The following BRD4 variants were observed in gnomAD, a reference collection of about 807,000 sequenced individuals.
BRD4 encodes the protein bromodomain containing 4.
BRD4 carries 16 observed loss-of-function variants against 142.1 expected under a neutral mutation model. The ratio of observed to expected loss-of-function variants is 0.11; its 90% CI spans 0.08 to 0.17. The LOEUF is 0.17. Among genes scored for constraint, BRD4 ranks in the 10% least tolerant of loss-of-function variants. The pLI is 1.00. For missense variants in BRD4, 1,424 were observed against 1,810.9 expected, an observed-to-expected ratio of 0.79 and a Z score of 3.88; for synonymous variants, 833 against 707.5, an observed-to-expected ratio of 1.18 and a Z score of -2.82.
Position 15,239,389 on chromosome 19 carries a change from A to G in BRD4, c.3576+3T>C, listed in dbSNP as rs200733287. ...AGCGACACCCATGGACCTCCATCCC[A>G]ACCTTTTTGGGCGCAACTGGAGTCT... is the stretch of plus-strand genomic sequence containing the variant. On this transcript the variant is annotated splice_donor_region_variant and intron_variant, in intron 17 of 19. Transcript: ENST00000679869. The surrounding 1 kb of genome is among the most constrained non-coding windows in gnomAD (Gnocchi z 7.4). 585 of 1,613,970 alleles carry G rather than the reference A, an allele frequency of 3.6e-4. No homozygotes were observed. Among genetic ancestry groups the G allele is most frequent in the Non-Finnish European group, 4.6e-4 (545 of 1,180,026 alleles).
Position 15,321,921 on chromosome 19 carries a change from C to T in BRD4, c.-35+10369G>A, listed in dbSNP as rs117889790. ...AAACACAGTGGGTACAGGGAAGAAA[C>T]GAAACTAAAGATCCATGCTTTCACC... On this transcript the variant is annotated intron_variant, in intron 1 of 19. Transcript: ENST00000679869. 1.5e-4 allele frequency among the ~76,000 whole-genome samples: 23 copies of T among 152,164 alleles called. No homozygotes were observed. In the East Asian group the frequency reaches 4.4e-3, roughly 29 times the overall value.
chr19:15,273,186 GC>G lies in BRD4; in HGVS notation c.-34-54del, dbSNP rs2047608941. ...AGATATCAGTCAGCAGATGGGCACC[GC>G]TCAGAATGACAAGTCCCTCTGGCTG... On this transcript the variant is annotated intron_variant, in intron 1 of 19. Transcript: ENST00000679869. 7 of 1,473,338 alleles carry G rather than the reference GC, an allele frequency of 4.8e-6. No homozygotes were observed. The Admixed American group carries it at 1.6e-4, about 33-fold the overall frequency. The allele number at this position is 1,473,338 out of a possible 1,614,324, so 91.3% of individuals were successfully genotyped here.
chr19:15,306,854 G>T (rs942664517), intron 1 of BRD4, among the ~76,000 whole-genome samples: 3 of 152,102 alleles, frequency 2.0e-5, no homozygotes, highest in Admixed American at 6.6e-5. Context: ...AATCATAACA[G>T]ATATAATAGT....
chr19:15,286,036 G>T (rs909270773), intron 1 of BRD4, among the ~76,000 whole-genome samples: 1 of 152,124 alleles, frequency 6.6e-6, no homozygotes, highest in African/African-American at 2.4e-5. Context: ...GGCTTGCCTC[G>T]TCCAGGGAGG....
chr19:15,248,957 T>A, intron 11 of BRD4: 1 of 480,690 alleles, frequency 2.1e-6, no homozygotes, highest in South Asian at 2.5e-5. Flanking sequence ...AATGCATGTG[T>A]TGGGGATTGT....
chr19:15,278,559 A>G (rs1456463421), intron 1 of BRD4, among the ~76,000 whole-genome samples: 3 of 151,408 alleles, frequency 2.0e-5, no homozygotes, highest in Non-Finnish European at 4.4e-5. Context: ...AAAAAAAAAA[A>G]AAAAAGAAAT....
intron 11 of BRD4, among the ~76,000 whole-genome samples, chr19:15,250,549 G>A (rs538030968): frequency 6.6e-6 from 1 of 152,280 alleles, no homozygotes; most frequent in African/African-American, 2.4e-5. Flanking sequence ...CTGGGAAAAG[G>A]AAGCCAGGAA....
chr19:15,248,784 C>G, intron 11 of BRD4: 1 of 241,786 alleles, frequency 4.1e-6, no homozygotes, highest in Non-Finnish European at 8.1e-6. Flanking sequence ...CTCTAGAGGT[C>G]AGAGTGTTCT....
chr19:15,305,201 G>A (rs1432225071), intron 1 of BRD4, among the ~76,000 whole-genome samples: 3 of 151,790 alleles, frequency 2.0e-5, no homozygotes, highest in East Asian at 1.9e-4. Flanking sequence ...GAGCCACCAC[G>A]CCTGGCTAAT....
intron 1 of BRD4, among the ~76,000 whole-genome samples, chr19:15,301,481 A>T (rs1323414353): frequency 6.6e-6 from 1 of 151,980 alleles, no homozygotes; most frequent in Non-Finnish European, 1.5e-5. Context: ...GAATCACTTG[A>T]ACCCGAGAGG....
intron 14 of BRD4, among the ~76,000 whole-genome samples, chr19:15,242,357 C>A (rs1336634650): frequency 1.3e-5 from 2 of 152,158 alleles, no homozygotes; most frequent in African/African-American, 4.8e-5. Context: ...AAGGGTGTGG[C>A]CTGACCAATG....
chr19:15,240,741 A>G (rs914485073), intron 14 of BRD4, among the ~76,000 whole-genome samples: 1 of 152,188 alleles, frequency 6.6e-6, no homozygotes, highest in African/African-American at 2.4e-5. Flanking sequence ...GCACCTCGGG[A>G]CTGTGCAGCT....
chr19:15,310,897 T>TC, intron 1 of BRD4, among the ~76,000 whole-genome samples: 1 of 152,282 alleles, frequency 6.6e-6, no homozygotes, highest in African/African-American at 2.4e-5. Flanking sequence ...CCAATATCCA[T>TC]CCCCAAAATC....
intron 1 of BRD4, among the ~76,000 whole-genome samples, chr19:15,273,666 C>A (rs1351384722): frequency 6.6e-6 from 1 of 152,176 alleles, no homozygotes; most frequent in Non-Finnish European, 1.5e-5. Flanking sequence ...GGATGGCCCA[C>A]CCAGTCCACT....
chr19:15,257,455 G>A, intron 7 of BRD4: 1 of 489,114 alleles, frequency 2.0e-6, no homozygotes, highest in Non-Finnish European at 3.7e-6. Context: ...GCAAGGACAT[G>A]AGACCCAGGC....
intron 10 of BRD4, 38 bp downstream of exon 10, chr19:15,255,259 C>A: frequency 3.2e-6 from 5 of 1,585,488 alleles, no homozygotes; most frequent in Non-Finnish European, 2.6e-6. Flanking sequence ...TGAGGGTGCC[C>A]ACAGAAGGAA....
intron 1 of BRD4, among the ~76,000 whole-genome samples, chr19:15,300,867 TGA>T (rs925298277): frequency 6.6e-6 from 1 of 152,196 alleles, no homozygotes; most frequent in Non-Finnish European, 1.5e-5. Flanking sequence ...CAGAAACATC[TGA>T]GAGTTTCCTG....
At position 15,235,545 on chromosome 19, in the gene BRD4, AT is replaced by A. The variant is rs1485224114; in HGVS notation, c.*2831del. ...AACTTTATACTCAGTACAAATGTTT[AT>A]TTTTGCAATGAGAACTGCACAAAAA... On this transcript the variant is annotated 3_prime_UTR_variant, in exon 20 of 20. Coordinates refer to ENST00000679869, the MANE Select transcript of BRD4 (RefSeq NM_001379291.1). 2.3e-5 allele frequency: 3 copies of A among 130,564 alleles called. No individual in the cohort carries two copies. Among genetic ancestry groups the A allele is most frequent in the African/African-American group, 8.8e-5 (3 of 34,146 alleles). The allele number at this position is 130,564 out of a possible 1,614,324, so 8.1% of individuals were successfully genotyped here.
At chr19:15,252,392 A>G (rs1482176416) in intron 11 of BRD4, among the ~76,000 whole-genome samples, 1 of 152,246 alleles carries the variant, frequency 6.6e-6, no homozygotes, top group Non-Finnish European at 1.5e-5. Context: ...AGAAGACTAC[A>G]AAACCCCTGG....
Sources: gnomAD v4.1 joint callset for allele counts (sites outside exome capture counted in the v4.1 genomes callset) on GRCh38, gnomAD v4.1.1 for gene constraint, Gnocchi (gnomAD v3.1) non-coding constraint, MANE v1.5 for transcripts, NCBI Gene and HGNC (gene_info 2026-07-23, HGNC 2026-07-21) for gene names.